Variants in CNTNAP2 observed in about 807,000 individuals in gnomAD.
CNTNAP2 encodes the protein contactin-associated protein-like 2.
A neutral mutation model predicts 155.2 loss-of-function variants in CNTNAP2; 98 were observed. The ratio of observed to expected loss-of-function variants is 0.63; its 90% CI spans 0.54 to 0.75. The LOEUF (loss-of-function observed/expected upper bound fraction) is 0.75, where lower values mean the gene tolerates loss of function less well. Ranked by LOEUF, CNTNAP2 falls within the 30% of genes least tolerant of loss-of-function variation. The pLI, the probability that CNTNAP2 is intolerant of heterozygous loss-of-function variation, is 0.00. For synonymous variants in CNTNAP2, 651 were observed against 631.2 expected, an observed-to-expected ratio of 1.03 and a Z score of -0.47; for missense variants, 1,727 against 1,688.1, an observed-to-expected ratio of 1.02 and a Z score of -0.40.
chr7:146,166,069 C>T (rs1020252325), intron 1 of CNTNAP2, among the ~76,000 whole-genome samples: 8 of 152,068 alleles, frequency 5.3e-5, no homozygotes, highest in Admixed American at 4.6e-4. Flanking sequence ...TCACATTCCC[C>T]CACCCCTGTT....
intron 1 of CNTNAP2, among the ~76,000 whole-genome samples, chr7:146,159,888 A>C (rs954789823): frequency 1.3e-5 from 2 of 152,310 alleles, no homozygotes; most frequent in East Asian, 3.9e-4. Context: ...CACCAAGCAG[A>C]CCTAATAGAC....
At chr7:146,307,082 C>T (rs1800726626) in intron 1 of CNTNAP2, among the ~76,000 whole-genome samples, 1 of 152,146 alleles carries the variant, frequency 6.6e-6, no homozygotes, top group Admixed American at 6.6e-5. Flanking sequence ...TTAGAAAACC[C>T]CATCGTCTCA....
At chr7:147,797,369 G>A (rs1006791512) in intron 13 of CNTNAP2, among the ~76,000 whole-genome samples, 1 of 151,364 alleles carries the variant, frequency 6.6e-6, no homozygotes, top group African/African-American at 2.4e-5. Flanking sequence ...ATTCCCTTCA[G>A]ACCAACTAAA....
intron 3 of CNTNAP2, among the ~76,000 whole-genome samples, chr7:147,015,316 A>G (rs928589463): frequency 6.6e-5 from 10 of 152,122 alleles, no homozygotes; most frequent in African/African-American, 2.2e-4. Context: ...GTGATAATAT[A>G]AAGTTCTTAG....
intron 13 of CNTNAP2, among the ~76,000 whole-genome samples, chr7:147,855,449 A>C (rs1232873462): frequency 2.6e-5 from 4 of 152,046 alleles, no homozygotes; most frequent in African/African-American, 4.8e-5. Flanking sequence ...CTTGTTTATT[A>C]AAAGCTGTTA....
At chr7:146,791,557 G>A (rs1477342594) in intron 2 of CNTNAP2, among the ~76,000 whole-genome samples, 1 of 152,188 alleles carries the variant, frequency 6.6e-6, no homozygotes, top group Admixed American at 6.5e-5. Context: ...GAAAGAAAAC[G>A]CAGGGTGGAG....
intron 1 of CNTNAP2, among the ~76,000 whole-genome samples, chr7:146,647,054 C>A (rs1323386485): frequency 6.6e-6 from 1 of 152,176 alleles, no homozygotes; most frequent in East Asian, 1.9e-4. Flanking sequence ...GCCATATGCC[C>A]TATGCCCTTG....
At chr7:147,368,489 A>G (rs1318276401) in intron 9 of CNTNAP2, among the ~76,000 whole-genome samples, 1 of 152,162 alleles carries the variant, frequency 6.6e-6, no homozygotes, top group African/African-American at 2.4e-5. Context: ...AGGCATTTCA[A>G]TGATGGCAGC....
At chr7:148,292,246 A>G (rs1797202491) in intron 21 of CNTNAP2, among the ~76,000 whole-genome samples, 1 of 152,218 alleles carries the variant, frequency 6.6e-6, no homozygotes, top group Admixed American at 6.5e-5. Context: ...GAAGAGTACC[A>G]CATTAAGCCA....
intron 1 of CNTNAP2, among the ~76,000 whole-genome samples, chr7:146,530,232 A>G (rs1797750198): frequency 1.3e-5 from 2 of 152,286 alleles, no homozygotes; most frequent in Middle Eastern, 3.4e-3. Context: ...AATCAACTCA[A>G]GATGGATTAA....
intron 13 of CNTNAP2, among the ~76,000 whole-genome samples, chr7:147,725,873 T>C (rs1057109906): frequency 2.0e-5 from 3 of 152,034 alleles, no homozygotes; most frequent in Admixed American, 6.6e-5. Context: ...AGTGAGGAAC[T>C]AGGAGGAGGT....
At chr7:148,044,356 C>G (rs1025432597) in intron 15 of CNTNAP2, among the ~76,000 whole-genome samples, 10 of 152,094 alleles carry the variant, frequency 6.6e-5, no homozygotes, top group Non-Finnish European at 1.2e-4. Flanking sequence ...CCAGGTGTGA[C>G]TTGTGGCCAG....
chr7:146,482,881 G>C (rs1350835988), intron 1 of CNTNAP2, among the ~76,000 whole-genome samples: 1 of 151,912 alleles, frequency 6.6e-6, no homozygotes, highest in East Asian at 1.9e-4. Context: ...CCTTCCAACA[G>C]TGACATTACT....
chr7:147,380,208 CAG>C (rs1243343824), intron 9 of CNTNAP2, among the ~76,000 whole-genome samples: 2 of 151,226 alleles, frequency 1.3e-5, no homozygotes, highest in African/African-American at 2.4e-5. Flanking sequence ...GAAATGTTTT[CAG>C]ATACAAAAAG....
At position 146,524,563 on chromosome 7, in the gene CNTNAP2, G is replaced by A. The variant is rs1584963140; in HGVS notation, c.98-249708G>A. Among the ~76,000 whole-genome samples the A allele has an allele frequency of 2.0e-5, 3 of 152,174 alleles. No individual in the cohort carries two copies. In the South Asian group the frequency reaches 6.2e-4, roughly 32 times the overall value. On this transcript the variant is annotated intron_variant, in intron 1 of 23. Transcript: ENST00000361727. ...TGTTTTATTTGTTTGTTTCCTAACAGTTTATGTTTCTCAACATAAAATACT... is the reference window on the plus strand; with the variant it reads ...TGTTTTATTTGTTTGTTTCCTAACAATTTATGTTTCTCAACATAAAATACT...
intron 20 of CNTNAP2, among the ~76,000 whole-genome samples, chr7:148,245,240 C>A (rs1010332039): frequency 4.6e-5 from 7 of 152,210 alleles, no homozygotes; most frequent in Non-Finnish European, 1.0e-4. Context: ...TCTGGGCTAG[C>A]TACTCAGCAA....
chr7:148,011,395 AT>A (rs1013676623), intron 15 of CNTNAP2, among the ~76,000 whole-genome samples: 1 of 152,110 alleles, frequency 6.6e-6, no homozygotes, highest in African/African-American at 2.4e-5. Flanking sequence ...TCTAGAGAGT[AT>A]TTTATTATTT....
At chr7:148,060,284 A>C (rs1452230395) in intron 15 of CNTNAP2, among the ~76,000 whole-genome samples, 3 of 152,108 alleles carry the variant, frequency 2.0e-5, no homozygotes, top group African/African-American at 7.2e-5. Context: ...TTTTTTTCTC[A>C]GTAGTAATAA....
At chr7:147,267,149 G>T (rs556208437) in intron 8 of CNTNAP2, among the ~76,000 whole-genome samples, 1 of 152,276 alleles carries the variant, frequency 6.6e-6, no homozygotes, top group East Asian at 1.9e-4. Context: ...AAGTCATTTA[G>T]AATAAATGTA....
Sources: gnomAD v4.1 joint callset for allele counts (sites outside exome capture counted in the v4.1 genomes callset) on GRCh38, gnomAD v4.1.1 for gene constraint, MANE v1.5 for transcripts, NCBI Gene and HGNC (gene_info 2026-07-23, HGNC 2026-07-21) for gene names.